The following ARHGAP15 variants were observed in gnomAD, a reference collection of about 807,000 sequenced individuals.
ARHGAP15 encodes the protein rho GTPase-activating protein 15.
A neutral mutation model predicts 63.7 loss-of-function variants in ARHGAP15; 51 were observed. The ratio of observed to expected loss-of-function variants is 0.80; its 90% CI spans 0.64 to 1.01. ARHGAP15 has a LOEUF of 1.01. Ranked by LOEUF, ARHGAP15 falls within the 50% of genes least tolerant of loss-of-function variation. The probability of loss-of-function intolerance (pLI) is 0.00; values close to 1 mark genes in which losing one functional copy is unlikely to be tolerated. For missense variants in ARHGAP15, 560 were observed against 564.6 expected (o/e 0.99, Z 0.08); for synonymous variants, 191 against 193.8 (o/e 0.99, Z 0.12).
chr2:143,445,246 C>T (rs1441719915), intron 8 of ARHGAP15, among the ~76,000 whole-genome samples: 6 of 141,216 alleles, frequency 4.2e-5, no homozygotes, highest in South Asian at 4.7e-4. Context: ...CTACAACCTC[C>T]GCCTCCCAAG....
intron 6 of ARHGAP15, among the ~76,000 whole-genome samples, chr2:143,360,792 C>T (rs925188235): frequency 6.6e-6 from 1 of 152,144 alleles, no homozygotes; most frequent in Non-Finnish European, 1.5e-5. Flanking sequence ...GTGATATCTC[C>T]AAGCAACACA....
chr2:143,767,593 C>T (rs2072964530), intron 13 of ARHGAP15, among the ~76,000 whole-genome samples: 1 of 152,126 alleles, frequency 6.6e-6, no homozygotes, highest in Non-Finnish European at 1.5e-5. Context: ...ATTGTGCAGA[C>T]ATTGTTCTGG....
At chr2:143,673,744 G>GTATATATATATA (rs1682655962) in intron 12 of ARHGAP15, among the ~76,000 whole-genome samples, 4 of 24,684 alleles carry the variant, frequency 1.6e-4, no homozygotes, top group African/African-American at 2.4e-4. Context: ...GTGTGTGTGT[G>GTATATATATATA]TGTGTGTGTG....
At chr2:143,254,136 A>C (rs1022473765) in intron 6 of ARHGAP15, among the ~76,000 whole-genome samples, 2 of 152,150 alleles carry the variant, frequency 1.3e-5, no homozygotes, top group African/African-American at 4.8e-5. Flanking sequence ...GCTAAGTGCT[A>C]GTTTGCTCTT....
chr2:143,332,020 C>T (rs1574289133), intron 6 of ARHGAP15, among the ~76,000 whole-genome samples: 1 of 152,038 alleles, frequency 6.6e-6, no homozygotes, highest in Admixed American at 6.6e-5. Context: ...CATGTGGTAC[C>T]TGCCACAAAA....
chr2:143,346,590 C>T (rs565841131), intron 6 of ARHGAP15, among the ~76,000 whole-genome samples: 3 of 152,190 alleles, frequency 2.0e-5, no homozygotes, highest in South Asian at 2.1e-4. Flanking sequence ...ACAAGTCAGT[C>T]GGCACCGACC....
At chr2:143,432,350 T>C (rs1024489763) in intron 6 of ARHGAP15, among the ~76,000 whole-genome samples, 4 of 152,190 alleles carry the variant, frequency 2.6e-5, no homozygotes, top group Admixed American at 2.0e-4. Flanking sequence ...TGTTACTTAA[T>C]TGACAATATT....
chr2:143,255,957 A>T (rs6747717), intron 6 of ARHGAP15, among the ~76,000 whole-genome samples: 33,913 of 152,014 alleles, frequency 0.22, 4,053 homozygotes, highest in South Asian at 0.35. Flanking sequence ...TATTCATCCA[A>T]CATTCAGGAG....
At chr2:143,222,132 A>T (rs1448612111) in intron 4 of ARHGAP15, among the ~76,000 whole-genome samples, 1 of 152,224 alleles carries the variant, frequency 6.6e-6, no homozygotes, top group Non-Finnish European at 1.5e-5. Context: ...ACCTTTTAGC[A>T]GTCATAAATT....
At chr2:143,763,817 T>G (rs1021578123) in intron 13 of ARHGAP15, among the ~76,000 whole-genome samples, 1 of 149,088 alleles carries the variant, frequency 6.7e-6, no homozygotes, top group East Asian at 1.9e-4. Flanking sequence ...AGATTACATA[T>G]ATACACATAC....
intron 9 of ARHGAP15, among the ~76,000 whole-genome samples, chr2:143,501,097 A>G (rs1388758961): frequency 6.6e-6 from 1 of 152,210 alleles, no homozygotes; most frequent in Non-Finnish European, 1.5e-5. Context: ...AATCTTTCAC[A>G]TAACAAGAGA....
chr2:143,389,951 T>C (rs1480904501), intron 6 of ARHGAP15, among the ~76,000 whole-genome samples: 1 of 151,224 alleles, frequency 6.6e-6, no homozygotes, highest in Admixed American at 6.6e-5. Context: ...AAGCTTTTCA[T>C]GGTATTGAAA....
intron 11 of ARHGAP15, among the ~76,000 whole-genome samples, chr2:143,615,546 G>T (rs995664200): frequency 6.6e-6 from 1 of 152,134 alleles, no homozygotes; most frequent in Non-Finnish European, 1.5e-5. Context: ...TTTGACAAGT[G>T]AAGAAACCAG....
At chr2:143,182,761 C>T (rs12691669) in intron 2 of ARHGAP15, among the ~76,000 whole-genome samples, 1 of 152,044 alleles carries the variant, frequency 6.6e-6, no homozygotes, top group South Asian at 2.1e-4. Context: ...CAGTAGAAAG[C>T]TCACAAGGAC....
intron 9 of ARHGAP15, among the ~76,000 whole-genome samples, chr2:143,495,109 A>G (rs542398063): frequency 9.8e-5 from 15 of 152,316 alleles, no homozygotes; most frequent in African/African-American, 3.6e-4. Flanking sequence ...AATGGTGCTC[A>G]GCTTATCTTG....
chr2:143,274,837 C>T (rs1681464515), intron 6 of ARHGAP15, among the ~76,000 whole-genome samples: 1 of 152,116 alleles, frequency 6.6e-6, no homozygotes, highest in African/African-American at 2.4e-5. Flanking sequence ...CACAATGAAG[C>T]AGGCCACCAC....
intron 13 of ARHGAP15, among the ~76,000 whole-genome samples, chr2:143,758,683 A>C (rs557948218): frequency 1.3e-5 from 2 of 152,278 alleles, no homozygotes; most frequent in African/African-American, 4.8e-5. Context: ...GAATAATACC[A>C]AATTATAATA....
intron 7 of ARHGAP15, 90 bp downstream of exon 7, chr2:143,435,789 A>T (rs1689588785): frequency 7.7e-7 from 1 of 1,292,378 alleles, no homozygotes; most frequent in African/African-American, 1.5e-5. Flanking sequence ...ACACTCATTT[A>T]AATAGATCCT....
At chr2:143,680,021 TAAAAAAAAAAAAAA>T (rs55927433) in intron 12 of ARHGAP15, among the ~76,000 whole-genome samples, 5 of 101,626 alleles carry the variant, frequency 4.9e-5, no homozygotes, top group African/African-American at 1.3e-4. Flanking sequence ...AGTAAATGAT[TAAAAAAAAAAAAAA>T]AAAAAAAAAA....
Sources: gnomAD v4.1 joint callset for allele counts (sites outside exome capture counted in the v4.1 genomes callset) on GRCh38, gnomAD v4.1.1 for gene constraint, MANE v1.5 for transcripts, NCBI Gene and HGNC (gene_info 2026-07-23, HGNC 2026-07-21) for gene names.